The following ATM variants were observed in gnomAD, a reference collection of about 807,000 sequenced individuals.
ATM encodes the protein ATM serine/threonine kinase, also known as serine-protein kinase ATM.
In ATM, 308 loss-of-function variants were observed where a neutral mutation model predicts 387.0. The observed-to-expected ratio is 0.80, with a 90% CI of 0.73 to 0.87. ATM has a LOEUF of 0.87. Ranked by LOEUF, ATM falls within the 40% of genes least tolerant of loss-of-function variation. The pLI, the probability that ATM is intolerant of heterozygous loss-of-function variation, is 0.00. For synonymous variants in ATM, 1,156 were observed against 1,187.3 expected (o/e 0.97, Z 0.54); for missense variants, 3,312 against 3,560.9 (o/e 0.93, Z 1.78).
chr11:108,306,510 T>G (rs1468309164), intron 37 of ATM, among the ~76,000 whole-genome samples: 1 of 152,234 alleles, frequency 6.6e-6, no homozygotes, highest in East Asian at 1.9e-4. Flanking sequence ...TCTGGTAATT[T>G]GTTATCATGA....
chr11:108,347,196 A>G, intron 58 of ATM, 83 bp from the exon 59 acceptor site: 3 of 1,036,766 alleles, frequency 2.9e-6, no homozygotes, highest in Non-Finnish European at 4.6e-6. Context: ...ATACCAAGTC[A>G]GTGGTCTTAA....
At chr11:108,266,492 G>C (rs1357731566) in intron 16 of ATM, among the ~76,000 whole-genome samples, 1 of 112,788 alleles carries the variant, frequency 8.9e-6, no homozygotes, top group African/African-American at 3.6e-5. Flanking sequence ...TTGTGGGGTG[G>C]GGGGAGGGGG....
intron 42 of ATM, 49 bp downstream of exon 42, chr11:108,316,162 G>A: frequency 6.7e-7 from 1 of 1,491,958 alleles, no homozygotes; most frequent in Non-Finnish European, 9.3e-7. Context: ...GTAGTGCTGA[G>A]GTTATTTCAG....
chr11:108,245,059 C>T (rs2135245538), intron 7 of ATM, 33 bp downstream of exon 7: 4 of 1,518,798 alleles, frequency 2.6e-6, no homozygotes, highest in Non-Finnish European at 9.0e-7. Flanking sequence ...TTTGAATTTG[C>T]TTCTTCATTC....
intron 3 of ATM, among the ~76,000 whole-genome samples, chr11:108,228,528 CAA>C (rs1393928192): frequency 2.0e-5 from 3 of 152,158 alleles, no homozygotes; most frequent in Non-Finnish European, 4.4e-5. Flanking sequence ...CATTTGTAGT[CAA>C]GAGGAAGTGT....
chr11:108,233,840 T>C (rs969685370), intron 4 of ATM, among the ~76,000 whole-genome samples: 1 of 150,280 alleles, frequency 6.7e-6, no homozygotes, highest in Non-Finnish European at 1.5e-5. Flanking sequence ...GAGCGAGATA[T>C]TCTGTCTCAA....
At chr11:108,246,924 T>G (rs2079875050) in intron 7 of ATM, 40 bp from the exon 8 acceptor site, 2 of 1,516,242 alleles carry the variant, frequency 1.3e-6, no homozygotes, top group African/African-American at 2.7e-5. Flanking sequence ...GTAAACAGAG[T>G]ACATACATAA....
At position 108,257,650 on chromosome 11, in the gene ATM, T is replaced by G. The variant is rs777474183; in HGVS notation, c.2376+44T>G. The G allele has an allele frequency of 5.7e-6, 9 of 1,584,298 alleles. No homozygotes were observed. Among genetic ancestry groups the G allele is most frequent in the Non-Finnish European group, 7.8e-6 (9 of 1,159,424 alleles). On this transcript the variant is annotated intron_variant, in intron 15 of 62. Coordinates refer to ENST00000675843, the MANE Select transcript of ATM (RefSeq NM_000051.4). ...TGTTTTGTTTTTTGAGATAGGATCT[T>G]TCTCTGTCACCCAGGCTGGAGTGCA...
At position 108,367,690 on chromosome 11, in the gene ATM, A is replaced by T. The variant is rs1013736471; in HGVS notation, c.*2182A>T. The T allele has an allele frequency of 4.7e-6, 1 of 214,960 alleles. No homozygotes were observed. The highest frequency in any genetic ancestry group is 2.3e-5 in the African/African-American group (1 of 44,292). The allele number at this position is 214,960 out of a possible 1,614,324, so 13.3% of individuals were successfully genotyped here. ...TTTCTTTTTATTGCCAATGGCAGGC[A>T]CTCATTCATATTTGATCTCCTCACC... is the stretch of plus-strand genomic sequence containing the variant. On this transcript the variant is annotated 3_prime_UTR_variant, in exon 63 of 63. Transcript: ENST00000675843.
Position 108,365,540 on chromosome 11 carries a change from C to T in ATM, c.*32C>T, listed in dbSNP as rs769783429. 6.2e-7 allele frequency: 1 copy of T among 1,604,446 alleles called. No individual in the cohort carries two copies. The highest frequency in any genetic ancestry group is 1.1e-5 in the South Asian group (1 of 90,140). On this transcript the variant is annotated 3_prime_UTR_variant, in exon 63 of 63. Coordinates refer to ENST00000675843, the MANE Select transcript of ATM (RefSeq NM_000051.4). ...GTATATGAATTACCCTTTCATTCAG[C>T]CTTTAGAAATTATATTTTAGCCTTT...
intron 61 of ATM, among the ~76,000 whole-genome samples, chr11:108,364,739 G>A (rs2091154790): frequency 6.6e-6 from 1 of 152,098 alleles, no homozygotes; most frequent in African/African-American, 2.4e-5. Context: ...AGGAAGAATT[G>A]GGCCCTACAA....
chr11:108,278,197 A>T (rs975807722), intron 22 of ATM, among the ~76,000 whole-genome samples: 7 of 152,218 alleles, frequency 4.6e-5, no homozygotes, highest in Non-Finnish European at 1.0e-4. Flanking sequence ...TGCCGACAGT[A>T]ATGTTTTCAT....
chr11:108,268,370 T>C (rs2135521725), intron 17 of ATM, 40 bp from the exon 18 acceptor site: 1 of 1,583,264 alleles, frequency 6.3e-7, no homozygotes, highest in Non-Finnish European at 8.7e-7. Flanking sequence ...ATGGCTGTTG[T>C]GCCCTTCTCT....
rs864622137 is a variant in ATM, at chr11:108,284,414, A to G, written c.3934A>G (p.Arg1312Gly). Residue 1312 changes from arginine (R) to glycine (G), a missense_variant, in exon 26 of 63, where the codon AGA (arginine) becomes GGA (glycine). Around this residue, in one of 4 missense-constraint regions of ATM, gnomAD observed 1,791 missense variants for 1,804.5 expected, o/e 0.99. Coordinates refer to ENST00000675843, the MANE Select transcript of ATM (RefSeq NM_000051.4). ...GTRDSGMAQQ[R>G]ETATKVYDML... is the part of the protein sequence containing the mutation. ...CAGAGACAGTGGGATGGCACAGCAA[A>G]GAGAGACTGCTACCAAGGTCTATGA... The G allele has an allele frequency of 6.2e-7, 1 of 1,614,020 alleles. No homozygotes were observed. Among genetic ancestry groups the G allele is most frequent in the Non-Finnish European group, 8.5e-7 (1 of 1,179,916 alleles).
rs587782861 is a variant in ATM at position 108,282,757 on chromosome 11, CTT to C, written c.3626_3627del (p.Phe1209TyrfsTer19). 1 of 1,613,082 alleles carries C rather than the reference CTT, an allele frequency of 6.2e-7. No individual in the cohort carries two copies. The highest frequency in any genetic ancestry group is 8.5e-7 in the Non-Finnish European group (1 of 1,179,402). On this transcript the variant is annotated frameshift_variant, in exon 25 of 63. Coordinates refer to ENST00000675843, the MANE Select transcript of ATM (RefSeq NM_000051.4). LOFTEE classifies it high-confidence loss of function. ...ETFGYRRLED[F>X]MASHLDYLVL... ...CTTTTGGATATAGACGTTTAGAAGA[CTT>C]TATGGCATCTCATTTAGATTATCTG...
intron 11 of ATM, 60 bp downstream of exon 11, chr11:108,252,091 A>G (rs1591528783): frequency 6.8e-7 from 1 of 1,464,940 alleles, no homozygotes; most frequent in Non-Finnish European, 9.4e-7. Flanking sequence ...GGCTCTCTCC[A>G]CTTATTTGAT....
chr11:108,325,639 G>C (rs1565519504), intron 46 of ATM, 95 bp downstream of exon 46: 6 of 1,041,562 alleles, frequency 5.8e-6, no homozygotes. Flanking sequence ...ATGTCATTAA[G>C]AGATAGAGAT....
intron 59 of ATM, among the ~76,000 whole-genome samples, chr11:108,348,450 T>A (rs2088759826): frequency 6.6e-6 from 1 of 151,256 alleles, no homozygotes; most frequent in Non-Finnish European, 1.5e-5. Flanking sequence ...AGAATATATA[T>A]AGCTAAGAAA....
chr11:108,352,824 T>C (rs1015500513), intron 59 of ATM, among the ~76,000 whole-genome samples: 8 of 152,214 alleles, frequency 5.3e-5, no homozygotes, highest in Non-Finnish European at 1.5e-5. Context: ...GGTTACATAC[T>C]GTATGATTAT....
Sources: gnomAD v4.1 joint callset for allele counts (sites outside exome capture counted in the v4.1 genomes callset) on GRCh38, gnomAD v4.1.1 for gene constraint, gnomAD v4.1.1 regional missense constraint, MANE v1.5 for transcripts, NCBI Gene and HGNC (gene_info 2026-07-23, HGNC 2026-07-21) for gene names.